EIF3L: variants seen among roughly 807,000 people sequenced by gnomAD.
The protein encoded by EIF3L is eukaryotic translation initiation factor 3 subunit L, also known as eIEF associated protein HSPC021.
Under a neutral mutation model 74.6 loss-of-function variants are expected in EIF3L, and 32 were observed. The observed-to-expected ratio is 0.43, with a 90% CI of 0.32 to 0.58. EIF3L has a LOEUF of 0.58. EIF3L is among the 20% of genes least tolerant of loss of function. EIF3L has a pLI of 0.06. For missense variants in EIF3L, 474 were observed against 707.8 expected, an observed-to-expected ratio of 0.67 and a Z score of 3.75; for synonymous variants, 256 against 254.4, an observed-to-expected ratio of 1.01 and a Z score of -0.06.
intron 7 of EIF3L, among the ~76,000 whole-genome samples, chr22:37,866,347 A>G (rs184411179): frequency 2.4e-4 from 36 of 152,318 alleles, no homozygotes; most frequent in Non-Finnish European, 4.4e-4. Context: ...AGTTTCCACA[A>G]TTACAGGCAG....
intron 7 of EIF3L, among the ~76,000 whole-genome samples, chr22:37,869,638 T>A (rs1192022854): frequency 2.0e-5 from 3 of 152,172 alleles, no homozygotes; most frequent in African/African-American, 7.2e-5. Context: ...TGGCATATCT[T>A]CTCTGTGTTC....
chr22:37,884,570 C>T (rs574750541), intron 11 of EIF3L: 1 of 152,272 alleles, frequency 6.6e-6, no homozygotes, highest in Admixed American at 6.5e-5. Context: ...TAGCCCGATA[C>T]AAACAGATTT....
intron 8 of EIF3L, among the ~76,000 whole-genome samples, chr22:37,873,933 G>A (rs534640505): frequency 1.3e-5 from 2 of 152,104 alleles, no homozygotes; most frequent in African/African-American, 2.4e-5. Flanking sequence ...ATTTTGTGTC[G>A]TTGCCTGATT....
In EIF3L at chr22:37,877,654, A is replaced by T. The variant is rs772885098; in HGVS notation, c.1078-20A>T. ...AGTCCGTCTCATTTGACCCAGTACC[A>T]CTCTCCACCCCATCCCCAGATTAAC... On this transcript the variant is annotated intron_variant, in intron 10 of 12. Coordinates refer to ENST00000652021, the MANE Select transcript of EIF3L (RefSeq NM_016091.4). The T allele has an allele frequency of 4.4e-6, 7 of 1,575,664 alleles. No individual in the cohort carries two copies. The East Asian group carries it at 1.6e-4, about 35-fold the overall frequency.
intron 12 of EIF3L, 107 bp from the exon 13 acceptor site, chr22:37,888,319 C>A: frequency 8.2e-7 from 1 of 1,222,352 alleles, no homozygotes; most frequent in Non-Finnish European, 1.2e-6. Flanking sequence ...AACTTCCTTT[C>A]TTGGCTTCAG....
rs188327395 is a variant in EIF3L at position 37,889,180 on chromosome 22, G to A, written c.*716G>A. On this transcript the variant is annotated 3_prime_UTR_variant, in exon 13 of 13. Transcript: ENST00000652021. ...TTCTCCTGCCTCAGCCTCCCAAGTAGCTGGGACTACAGGCACCCGCCACCA... is the reference window on the plus strand; with the variant it reads ...TTCTCCTGCCTCAGCCTCCCAAGTAACTGGGACTACAGGCACCCGCCACCA... 1 of 152,216 alleles carries A rather than the reference G, an allele frequency of 6.6e-6. No homozygotes were observed. Among genetic ancestry groups the A allele is most frequent in the Non-Finnish European group, 1.5e-5 (1 of 68,130 alleles). 9.4% of individuals were successfully genotyped at this position (152,216 alleles called of 1,614,324 possible).
intron 4 of EIF3L, among the ~76,000 whole-genome samples, chr22:37,858,068 C>T (rs1428206507): frequency 6.6e-6 from 1 of 151,556 alleles, no homozygotes; most frequent in Non-Finnish European, 1.5e-5. Context: ...CCCACCTACT[C>T]GGGAGGCTGA....
Position 37,886,792 on chromosome 22 carries a change from G to A in EIF3L, c.1603G>A (p.Val535Ile). ...CATGATCCACATCGCGGACACCAAG[G>A]TCGCCAGGCGTTATGGGGATTTCTT... ...KDMIHIADTK[V>I]ARRYGDFFIR... The change falls in exon 12 of 13, where the codon GTC (valine) becomes ATC (isoleucine). Residue 535 changes from valine to isoleucine, a missense_variant. Physicochemically the swap from Val to Ile is conservative, Grantham distance 29. This residue lies in a region of EIF3L where 293 missense variants were observed against 469.1 expected (regional missense o/e 0.62). Coordinates refer to ENST00000652021, the MANE Select transcript of EIF3L (RefSeq NM_016091.4). 1.2e-6 allele frequency: 2 copies of A among 1,611,554 alleles called. No individual in the cohort carries two copies. Among genetic ancestry groups the A allele is most frequent in the South Asian group, 2.2e-5 (2 of 91,028 alleles).
rs140320157 is a variant in EIF3L at position 37,863,792 on chromosome 22, G to A, written c.579+447G>A. On this transcript the variant is annotated intron_variant, in intron 7 of 12. Coordinates refer to ENST00000652021, the MANE Select transcript of EIF3L (RefSeq NM_016091.4). Reference sequence around the variant, plus strand: ...TTTAAGAGTCAGGGTCAGGCCGGGCGCGGTGACTCACGCCTGTAATCCTAG... The same window carrying A: ...TTTAAGAGTCAGGGTCAGGCCGGGCACGGTGACTCACGCCTGTAATCCTAG... 1.9e-3 allele frequency among the ~76,000 whole-genome samples: 287 copies of A among 152,012 alleles called. 1 individual carries two copies. The highest frequency in any genetic ancestry group is 6.5e-3 in the African/African-American group (271 of 41,462).
chr22:37,862,003 A>G (rs769360735), intron 5 of EIF3L, among the ~76,000 whole-genome samples: 5 of 152,194 alleles, frequency 3.3e-5, no homozygotes, highest in Non-Finnish European at 7.4e-5. Flanking sequence ...AGCACCTTAC[A>G]TAACTTTTAT....
intron 2 of EIF3L, 58 bp downstream of exon 2, chr22:37,850,121 C>T (rs1925106960): frequency 1.3e-6 from 2 of 1,595,492 alleles, no homozygotes; most frequent in Non-Finnish European, 1.7e-6. Context: ...TTTGGAATGT[C>T]TTAGAACCAG....
intron 7 of EIF3L, among the ~76,000 whole-genome samples, chr22:37,867,324 C>T (rs1427257819): frequency 6.6e-6 from 1 of 152,084 alleles, no homozygotes; most frequent in African/African-American, 2.4e-5. Flanking sequence ...GTTTTCTGTA[C>T]TGGATATTAT....
chr22:37,869,846 C>T (rs532186523), intron 7 of EIF3L, among the ~76,000 whole-genome samples: 3 of 152,182 alleles, frequency 2.0e-5, no homozygotes, highest in South Asian at 2.1e-4. Flanking sequence ...TCTGGTGGCC[C>T]GGTCAACTGC....
At chr22:37,860,280 G>A (rs1175068776) in intron 5 of EIF3L, among the ~76,000 whole-genome samples, 2 of 152,076 alleles carry the variant, frequency 1.3e-5, no homozygotes, top group Non-Finnish European at 2.9e-5. Flanking sequence ...CATTATTCTT[G>A]ACTTTTCTCT....
chr22:37,861,484 G>A (rs1161761668), intron 5 of EIF3L, among the ~76,000 whole-genome samples: 1 of 152,130 alleles, frequency 6.6e-6, no homozygotes, highest in Non-Finnish European at 1.5e-5. Context: ...AGGAGTTCGA[G>A]ACCAGCCTGA....
chr22:37,853,771 G>T (rs1222273275), intron 3 of EIF3L, among the ~76,000 whole-genome samples: 1 of 151,988 alleles, frequency 6.6e-6, no homozygotes, highest in African/African-American at 2.4e-5. Context: ...TATACTTAAA[G>T]TTTCCTAAAT....
intron 4 of EIF3L, among the ~76,000 whole-genome samples, chr22:37,856,307 C>T (rs993699919): frequency 1.8e-4 from 27 of 152,012 alleles, no homozygotes; most frequent in Admixed American, 1.4e-3. Context: ...GAACTGCTGA[C>T]GTCAGGTGAT....
chr22:37,849,711 A>G (rs1925061223), intron 1 of EIF3L: 2 of 608,386 alleles, frequency 3.3e-6, no homozygotes, highest in Non-Finnish European at 5.7e-6. Flanking sequence ...ACCGGAGACT[A>G]AGGCCTGTTA....
At position 37,851,272 on chromosome 22, in the gene EIF3L, A is replaced by G. The variant is rs1925205964; in HGVS notation, c.83-8A>G. The G allele has an allele frequency of 6.2e-7, 1 of 1,613,042 alleles. No homozygotes were observed. Among genetic ancestry groups the G allele is most frequent in the Admixed American group, 1.7e-5 (1 of 59,982 alleles). ...GCATACTCTGTATTTGTTGTATCCA[A>G]CCTCCAGGAGATCCAAAGCAGGACC... On this transcript the variant is annotated splice_region_variant and splice_polypyrimidine_tract_variant and intron_variant, in intron 2 of 12. Coordinates refer to ENST00000652021, the MANE Select transcript of EIF3L (RefSeq NM_016091.4).
Sources: allele counts gnomAD v4.1 joint callset (sites outside exome capture counted in the v4.1 genomes callset), GRCh38; gene constraint gnomAD v4.1.1; regional missense constraint gnomAD v4.1.1; transcripts MANE v1.5; gene names NCBI Gene and HGNC (gene_info 2026-07-23, HGNC 2026-07-21).